DLGAP2: variants seen among roughly 807,000 people sequenced by gnomAD.
DLGAP2 encodes disks large-associated protein 2.
In DLGAP2, 26 loss-of-function variants were observed where a neutral mutation model predicts 100.3. The ratio of observed to expected loss-of-function variants is 0.26; its 90% CI spans 0.19 to 0.36. DLGAP2 has a LOEUF of 0.36. Ranked by LOEUF, DLGAP2 falls within the 10% of genes least tolerant of loss-of-function variation. DLGAP2 has a pLI of 1.00. For synonymous variants in DLGAP2, 886 were observed against 630.1 expected (o/e 1.41, Z -6.08); for missense variants, 1,858 against 1,453.2 (o/e 1.28, Z -4.53).
intron 6 of DLGAP2, among the ~76,000 whole-genome samples, chr8:1,593,681 C>G (rs1171972720): frequency 2.8e-5 from 4 of 143,490 alleles, no homozygotes; most frequent in South Asian, 4.6e-4. Context: ...AGCACCCCAA[C>G]TTTTCCAAGA....
chr8:1,353,784 A>G (rs1337231526), intron 3 of DLGAP2, among the ~76,000 whole-genome samples: 1 of 152,254 alleles, frequency 6.6e-6, no homozygotes, highest in Non-Finnish European at 1.5e-5. Flanking sequence ...ATTAGAAGGC[A>G]AAAACACGAC....
intron 2 of DLGAP2, among the ~76,000 whole-genome samples, chr8:1,032,433 G>A (rs143876011): frequency 7.4e-4 from 112 of 152,322 alleles, no homozygotes; most frequent in African/African-American, 2.6e-3. Context: ...ATGGAGAAAC[G>A]TTTGGACACC....
intron 2 of DLGAP2, among the ~76,000 whole-genome samples, chr8:1,229,236 C>G (rs948105307): frequency 1.3e-5 from 2 of 150,730 alleles, no homozygotes; most frequent in Non-Finnish European, 2.9e-5. Context: ...CAAGGTGATG[C>G]TGGTTTCATA....
At chr8:955,191 A>T (rs1431106811) in intron 2 of DLGAP2, among the ~76,000 whole-genome samples, 1 of 152,064 alleles carries the variant, frequency 6.6e-6, no homozygotes, top group Non-Finnish European at 1.5e-5. Context: ...GCTGTATTTG[A>T]GTTTGCTTCC....
intron 3 of DLGAP2, among the ~76,000 whole-genome samples, chr8:1,307,099 G>A (rs1184757306): frequency 6.6e-6 from 1 of 152,052 alleles, no homozygotes; most frequent in Admixed American, 6.6e-5. Context: ...TGAAAGGGAT[G>A]GAATGGGAGT....
intron 1 of DLGAP2, among the ~76,000 whole-genome samples, chr8:844,823 C>T (rs923105515): frequency 1.3e-5 from 2 of 152,188 alleles, no homozygotes; most frequent in African/African-American, 4.8e-5. Context: ...TCTTAGCCAT[C>T]CTCTCTTCCC....
intron 7 of DLGAP2, among the ~76,000 whole-genome samples, chr8:1,631,565 C>T (rs987809031): frequency 2.0e-5 from 3 of 152,184 alleles, no homozygotes; most frequent in African/African-American, 7.2e-5. Flanking sequence ...GTTGTGCCTG[C>T]CTGGGTTTGT....
intron 1 of DLGAP2, among the ~76,000 whole-genome samples, chr8:790,044 G>A (rs1346670091): frequency 2.6e-5 from 4 of 152,240 alleles, no homozygotes; most frequent in Middle Eastern, 3.4e-3. Context: ...AGTGCAGTGC[G>A]TGTGAAATAC....
chr8:1,419,205 CG>C (rs1797023468), intron 3 of DLGAP2, among the ~76,000 whole-genome samples: 1 of 73,762 alleles, frequency 1.4e-5, no homozygotes, highest in South Asian at 4.8e-4. Context: ...CTGATGCGTG[CG>C]TGTGTGTGTG....
intron 2 of DLGAP2, among the ~76,000 whole-genome samples, chr8:996,048 T>G (rs1800774769): frequency 6.6e-6 from 1 of 152,202 alleles, no homozygotes; most frequent in Non-Finnish European, 1.5e-5. Context: ...TTATCTGGAA[T>G]TAGACTCAGG....
intron 2 of DLGAP2, among the ~76,000 whole-genome samples, chr8:1,096,422 C>T (rs912252629): frequency 6.6e-6 from 1 of 152,264 alleles, no homozygotes; most frequent in Non-Finnish European, 1.5e-5. Context: ...GAAGCAGCAG[C>T]ACTCAACCTC....
rs186832517 is a variant in DLGAP2, at chr8:1,605,532, C to T, written c.1443-21208C>T. Among the ~76,000 whole-genome samples, 10 of 152,288 alleles carry T rather than the reference C, an allele frequency of 6.6e-5. No individual in the cohort carries two copies. In the East Asian group the frequency reaches 1.2e-3, roughly 18 times the overall value. Reference sequence around the variant, plus strand: ...GTCCTTTGTGCATGAGCTTTAGAAACGTGCTACATTCTTGTGGGCCTAAGT... The same window carrying T: ...GTCCTTTGTGCATGAGCTTTAGAAATGTGCTACATTCTTGTGGGCCTAAGT... On this transcript the variant is annotated intron_variant, in intron 6 of 14. Coordinates refer to ENST00000637795, the MANE Select transcript of DLGAP2 (RefSeq NM_001346810.2).
At chr8:1,218,800 A>G (rs533789743) in intron 2 of DLGAP2, among the ~76,000 whole-genome samples, 1 of 152,082 alleles carries the variant, frequency 6.6e-6, no homozygotes, top group Admixed American at 6.5e-5. Context: ...CATCTCTAAT[A>G]TCTTTCAGAA....
chr8:1,117,926 A>G (rs1170023011), intron 2 of DLGAP2, among the ~76,000 whole-genome samples: 1 of 152,220 alleles, frequency 6.6e-6, no homozygotes, highest in African/African-American at 2.4e-5. Context: ...CAAACATGGA[A>G]AAAGCATTTT....
At chr8:793,532 C>G (rs950930900) in intron 1 of DLGAP2, among the ~76,000 whole-genome samples, 1 of 151,990 alleles carries the variant, frequency 6.6e-6, no homozygotes, top group Non-Finnish European at 1.5e-5. Flanking sequence ...GATCTGGTGG[C>G]TTCTCTTCCT....
chr8:1,365,445 T>C (rs967170918), intron 3 of DLGAP2, among the ~76,000 whole-genome samples: 1 of 152,108 alleles, frequency 6.6e-6, no homozygotes, highest in African/African-American at 2.4e-5. Flanking sequence ...TGGAGCTCAC[T>C]GGAATCCACA....
At chr8:1,159,930 G>C (rs1796858070) in intron 2 of DLGAP2, among the ~76,000 whole-genome samples, 1 of 152,150 alleles carries the variant, frequency 6.6e-6, no homozygotes, top group Non-Finnish European at 1.5e-5. Flanking sequence ...ACCTCCCTGT[G>C]AGATTAGAAC....
At chr8:822,442 C>G (rs1796600941) in intron 1 of DLGAP2, among the ~76,000 whole-genome samples, 1 of 152,208 alleles carries the variant, frequency 6.6e-6, no homozygotes, top group East Asian at 1.9e-4. Context: ...GGATGTTTCT[C>G]TGTTCAAACA....
intron 1 of DLGAP2, among the ~76,000 whole-genome samples, chr8:861,468 C>G (rs967246301): frequency 1.3e-5 from 2 of 152,132 alleles, no homozygotes; most frequent in African/African-American, 2.4e-5. Context: ...TTAACAGAAA[C>G]CAAGAGACCA....
Sources: gnomAD v4.1 joint callset for allele counts (sites outside exome capture counted in the v4.1 genomes callset) on GRCh38, gnomAD v4.1.1 for gene constraint, MANE v1.5 for transcripts, NCBI Gene and HGNC (gene_info 2026-07-23, HGNC 2026-07-21) for gene names.